Variants in CMSS1 observed in about 807,000 individuals in gnomAD.
CMSS1 encodes cms1 ribosomal small subunit homolog.
A neutral mutation model predicts 43.5 loss-of-function variants in CMSS1; 33 were observed. The observed-to-expected ratio is 0.76, with a 90% CI of 0.57 to 1.01. The LOEUF (loss-of-function observed/expected upper bound fraction) is 1.01. Ranked by LOEUF, CMSS1 falls within the 50% of genes least tolerant of loss-of-function variation. CMSS1 has a pLI of 0.00. For synonymous variants in CMSS1, 115 were observed against 117.2 expected, an observed-to-expected ratio of 0.98 and a Z score of 0.12; for missense variants, 313 against 326.4, an observed-to-expected ratio of 0.96 and a Z score of 0.32.
At chr3:99,970,182 T>C (rs1481268728) in intron 1 of CMSS1, among the ~76,000 whole-genome samples, 1 of 152,238 alleles carries the variant, frequency 6.6e-6, no homozygotes, top group Non-Finnish European at 1.5e-5. Context: ...TGGGTTATCA[T>C]TTTGCAGCTG....
intron 1 of CMSS1, among the ~76,000 whole-genome samples, chr3:99,876,711 G>C (rs1442752088): frequency 1.3e-5 from 2 of 152,082 alleles, no homozygotes; most frequent in African/African-American, 2.4e-5. Flanking sequence ...TTTATTTCCT[G>C]ATGATGTAAC....
chr3:99,959,809 T>A (rs1333579547), intron 1 of CMSS1, among the ~76,000 whole-genome samples: 1 of 152,218 alleles, frequency 6.6e-6, no homozygotes, highest in East Asian at 1.9e-4. Context: ...TGTACTAATG[T>A]AATTTTTTTA....
chr3:99,966,981 G>T (rs1258042910), intron 1 of CMSS1, among the ~76,000 whole-genome samples: 1 of 152,140 alleles, frequency 6.6e-6, no homozygotes, highest in Non-Finnish European at 1.5e-5. Context: ...TGGGGGATTG[G>T]ATGGCTGTTA....
chr3:99,854,552 A>G (rs879575035), intron 1 of CMSS1, among the ~76,000 whole-genome samples: 10 of 152,270 alleles, frequency 6.6e-5, no homozygotes, highest in Admixed American at 2.0e-4. Flanking sequence ...GGGTTTCTCC[A>G]TCTTCAGCAC....
At chr3:100,105,520 T>C (rs1433822388) in intron 1 of CMSS1, among the ~76,000 whole-genome samples, 2 of 152,152 alleles carry the variant, frequency 1.3e-5, no homozygotes, top group African/African-American at 2.4e-5. Flanking sequence ...TCAGTAATCA[T>C]TGAACAGGGT....
intron 1 of CMSS1, among the ~76,000 whole-genome samples, chr3:99,959,293 A>G (rs1708426797): frequency 6.6e-6 from 1 of 152,062 alleles, no homozygotes; most frequent in Non-Finnish European, 1.5e-5. Flanking sequence ...GGGATTACAG[A>G]TGTGCAGCAC....
At chr3:100,177,085 T>C (rs1178343834) in intron 9 of CMSS1, among the ~76,000 whole-genome samples, 2 of 152,176 alleles carry the variant, frequency 1.3e-5, no homozygotes, top group Non-Finnish European at 2.9e-5. Context: ...AAAAAAATGA[T>C]TACCAGTCAC....
intron 1 of CMSS1, among the ~76,000 whole-genome samples, chr3:100,008,461 G>A (rs1710051108): frequency 6.6e-6 from 1 of 152,162 alleles, no homozygotes; most frequent in Non-Finnish European, 1.5e-5. Context: ...TGTAGTCATT[G>A]GTATCCTGCA....
intron 1 of CMSS1, among the ~76,000 whole-genome samples, chr3:99,866,446 A>ACTGACTT (rs1944526890): frequency 6.6e-6 from 1 of 152,188 alleles, no homozygotes; most frequent in African/African-American, 2.4e-5. Context: ...TTTTACTGTG[A>ACTGACTT]CTACTGAAGT....
chr3:99,896,372 TCATTTTAAACAGTCTG>T (rs776598937), intron 1 of CMSS1, among the ~76,000 whole-genome samples: 77 of 152,206 alleles, frequency 5.1e-4, no homozygotes, highest in Non-Finnish European at 1.0e-3. Flanking sequence ...AGAGGCTGTT[TCATTTTAAACAGTCTG>T]CATGCCCCAT....
At chr3:100,138,499 A>G (rs2066774156) in intron 1 of CMSS1, among the ~76,000 whole-genome samples, 1 of 152,214 alleles carries the variant, frequency 6.6e-6, no homozygotes, top group Non-Finnish European at 1.5e-5. Context: ...TTTACAAGAA[A>G]AAAACAACCC....
chr3:100,074,050 A>G (rs969949180), intron 1 of CMSS1, among the ~76,000 whole-genome samples: 1 of 152,096 alleles, frequency 6.6e-6, no homozygotes, highest in Non-Finnish European at 1.5e-5. Context: ...CTGCGGGAAA[A>G]GGTTTGTGGG....
At chr3:100,079,713 T>C (rs893811878) in intron 1 of CMSS1, among the ~76,000 whole-genome samples, 56 of 152,252 alleles carry the variant, frequency 3.7e-4, no homozygotes, top group African/African-American at 1.2e-3. Flanking sequence ...ATTAGGTACC[T>C]GTATTCACAC....
rs528774381 is a variant in CMSS1, at chr3:99,835,798, A to G, written c.64+17755A>G. 1.9e-3 allele frequency among the ~76,000 whole-genome samples: 284 copies of G among 152,344 alleles called. 1 individual carries two copies. The highest frequency in any genetic ancestry group is 6.6e-3 in the African/African-American group (273 of 41,576). ...GTGCAATAATAGAATTACAGACAGC[A>G]GTTTTGGAAACTCAGTGGAAAACTA... On this transcript the variant is annotated intron_variant, in intron 1 of 9. Transcript: ENST00000421999.
At position 100,091,807 on chromosome 3, in the gene CMSS1, C is replaced by T. The variant is rs1387038355; in HGVS notation, c.65-55166C>T. Among the ~76,000 whole-genome samples, 3 of 152,282 alleles carry T rather than the reference C, an allele frequency of 2.0e-5. No homozygotes were observed. In the East Asian group the frequency reaches 5.8e-4, roughly 29 times the overall value. On this transcript the variant is annotated intron_variant, in intron 1 of 9. Transcript: ENST00000421999. ...ATTTTCCTTAAGACAGGATTATTTG[C>T]TCAGCGTCTCCTCTCGTGATTCACA...
In CMSS1 at chr3:100,069,945, G is replaced by A. The variant is rs570818775; in HGVS notation, c.65-77028G>A. The stretch of plus-strand genomic sequence containing the variant: ...AATCTGGTTTGATAGGGTAATTCAA[G>A]TCTATGGTACATTAAGATATTTTTC... On this transcript the variant is annotated intron_variant, in intron 1 of 9. Coordinates refer to ENST00000421999, the MANE Select transcript of CMSS1 (RefSeq NM_032359.4). Among the ~76,000 whole-genome samples the A allele has an allele frequency of 3.3e-5, 5 of 152,258 alleles. No individual in the cohort carries two copies. In the Middle Eastern group the frequency reaches 0.017, roughly 518 times the overall value.
intron 1 of CMSS1, chr3:99,848,208 G>T: frequency 6.4e-7 from 1 of 1,569,472 alleles, no homozygotes. Flanking sequence ...GATATGGAGG[G>T]ATGATTAAAA....
intron 1 of CMSS1, among the ~76,000 whole-genome samples, chr3:99,960,844 T>C (rs549911289): frequency 3.9e-5 from 6 of 152,360 alleles, no homozygotes; most frequent in African/African-American, 1.4e-4. Flanking sequence ...TATATATTTT[T>C]GCGTTGTTAA....
At chr3:100,166,240 CA>C (rs2067064647) in intron 4 of CMSS1, 94 bp from the exon 5 acceptor site, 4 of 781,068 alleles carry the variant, frequency 5.1e-6, no homozygotes, top group Non-Finnish European at 8.6e-6. Flanking sequence ...TAATATTTTA[CA>C]ACCTTATACA....
Sources: allele counts gnomAD v4.1 joint callset (sites outside exome capture counted in the v4.1 genomes callset), GRCh38; gene constraint gnomAD v4.1.1; transcripts MANE v1.5; gene names NCBI Gene and HGNC (gene_info 2026-07-23, HGNC 2026-07-21).